PRLR: variants seen among roughly 807,000 people sequenced by gnomAD.
PRLR encodes hPRL receptor.
A neutral mutation model predicts 40.2 loss-of-function variants in PRLR; 13 were observed. That is an observed-to-expected ratio of 0.32 (90% CI 0.21 to 0.51). The LOEUF is 0.51. Ranked by LOEUF, PRLR falls within the 20% of genes least tolerant of loss-of-function variation. The pLI is 0.97. For missense variants in PRLR, 656 were observed against 747.3 expected (o/e 0.88, Z 1.42); for synonymous variants, 269 against 278.7 (o/e 0.97, Z 0.35).
At chr5:35,107,815 A>G (rs967769670) in intron 2 of PRLR, among the ~76,000 whole-genome samples, 1 of 152,234 alleles carries the variant, frequency 6.6e-6, no homozygotes, top group South Asian at 2.1e-4. Context: ...AGCTGATACC[A>G]TTCCTTCTAA....
intron 4 of PRLR, among the ~76,000 whole-genome samples, chr5:35,085,325 C>T (rs528310850): frequency 1.1e-4 from 17 of 152,248 alleles, no homozygotes; most frequent in South Asian, 6.2e-4. Flanking sequence ...GGATTTCAGC[C>T]GGGATGACAG....
At chr5:35,158,312 A>G (rs1039053289) in intron 1 of PRLR, among the ~76,000 whole-genome samples, 1 of 152,094 alleles carries the variant, frequency 6.6e-6, no homozygotes, top group Non-Finnish European at 1.5e-5. Flanking sequence ...TGTTATTTCC[A>G]CTTACAACGC....
chr5:35,170,703 AC>A (rs1347802739), intron 1 of PRLR, among the ~76,000 whole-genome samples: 1 of 152,102 alleles, frequency 6.6e-6, no homozygotes. Flanking sequence ...CAGAACAAGA[AC>A]CTACCTCTAA....
At chr5:35,204,554 G>C (rs1036040985) in intron 1 of PRLR, among the ~76,000 whole-genome samples, 1 of 152,136 alleles carries the variant, frequency 6.6e-6, no homozygotes, top group African/African-American at 2.4e-5. Context: ...TATTACCCCA[G>C]TGGAATAATG....
chr5:35,187,259 G>GGA (rs1205679396), intron 1 of PRLR, among the ~76,000 whole-genome samples: 2 of 151,998 alleles, frequency 1.3e-5, no homozygotes, highest in Non-Finnish European at 2.9e-5. Context: ...AAATTAACCA[G>GGA]GCTTCATGGT....
intron 1 of PRLR, among the ~76,000 whole-genome samples, chr5:35,180,531 C>G (rs1003765078): frequency 3.3e-5 from 5 of 152,150 alleles, no homozygotes; most frequent in African/African-American, 1.2e-4. Context: ...TATCATGCTT[C>G]CTGTATAGCC....
At chr5:35,072,446 G>A in intron 6 of PRLR, 129 bp downstream of exon 6, 1 of 1,021,454 alleles carries the variant, frequency 9.8e-7, no homozygotes, top group Non-Finnish European at 1.4e-6. Context: ...TCACATCTGG[G>A]TGGGTCACAA....
At chr5:35,181,826 A>G (rs1775304781) in intron 1 of PRLR, among the ~76,000 whole-genome samples, 1 of 152,156 alleles carries the variant, frequency 6.6e-6, no homozygotes, top group South Asian at 2.1e-4. Context: ...TCCTTGGTCC[A>G]CACAAATGTG....
chr5:35,091,922 G>A (rs919179207), intron 2 of PRLR, among the ~76,000 whole-genome samples: 15 of 152,252 alleles, frequency 9.9e-5, no homozygotes, highest in South Asian at 2.1e-4. Flanking sequence ...TCTTTTGGGC[G>A]TTGCACTAAC....
chr5:35,094,986 A>C (rs189018659), intron 2 of PRLR, among the ~76,000 whole-genome samples: 1 of 151,840 alleles, frequency 6.6e-6, no homozygotes, highest in African/African-American at 2.4e-5. Flanking sequence ...AGCCACCAAC[A>C]CCCAGCTAAT....
At chr5:35,076,865 C>G (rs1328776727) in intron 5 of PRLR, among the ~76,000 whole-genome samples, 1 of 152,142 alleles carries the variant, frequency 6.6e-6, no homozygotes, top group Non-Finnish European at 1.5e-5. Context: ...AACTCTAAAA[C>G]CCAGAAGAGA....
chr5:35,128,571 C>T (rs1773547137), intron 1 of PRLR, among the ~76,000 whole-genome samples: 1 of 151,794 alleles, frequency 6.6e-6, no homozygotes, highest in Non-Finnish European at 1.5e-5. Context: ...GGATGTAAAA[C>T]TTGCGAATAC....
chr5:35,172,438 G>A (rs1775027040), intron 1 of PRLR, among the ~76,000 whole-genome samples: 1 of 152,078 alleles, frequency 6.6e-6, no homozygotes, highest in African/African-American at 2.4e-5. Context: ...TGTCACCTTG[G>A]GCTGACTGAA....
Position 35,070,117 on chromosome 5 carries a change from C to T in PRLR, c.685+7G>A, listed in dbSNP as rs142331784. The stretch of plus-strand genomic sequence containing the variant: ...GGACATAAGCAAAAAAGAGCCAAGA[C>T]GCTCACCACTAGGTATCTGAATGAA... On this transcript the variant is annotated splice_region_variant and intron_variant, in intron 7 of 9. Coordinates refer to ENST00000618457, the MANE Select transcript of PRLR (RefSeq NM_000949.7). The T allele has an allele frequency of 9.8e-4, 1,563 of 1,595,602 alleles. 28 individuals carry two copies. The Admixed American group carries it at 0.024, about 25-fold the overall frequency.
intron 1 of PRLR, among the ~76,000 whole-genome samples, chr5:35,183,930 A>G (rs1439547201): frequency 6.6e-6 from 1 of 152,158 alleles, no homozygotes; most frequent in Non-Finnish European, 1.5e-5. Flanking sequence ...ATTGTCCCCA[A>G]CTGAAAGAAA....
intron 1 of PRLR, among the ~76,000 whole-genome samples, chr5:35,124,401 C>A (rs1207920411): frequency 6.6e-6 from 1 of 151,948 alleles, no homozygotes; most frequent in Non-Finnish European, 1.5e-5. Context: ...AACGTAAAAT[C>A]CTAGAGGGGT....
intron 1 of PRLR, among the ~76,000 whole-genome samples, chr5:35,193,582 C>G (rs796520123): frequency 5.9e-5 from 9 of 152,302 alleles, no homozygotes; most frequent in African/African-American, 2.2e-4. Flanking sequence ...TGGCAGGTTC[C>G]TATTGGTCCT....
chr5:35,086,342 TA>T lies in PRLR; in HGVS notation c.71-3del. On this transcript the variant is annotated splice_region_variant and splice_polypyrimidine_tract_variant and intron_variant, in intron 3 of 9. Transcript: ENST00000618457. ...CAGGTTTTCCAGGAGGTAACTGTCCTAGAAAAAGCCAGAAGCCACTGCATCA... is the reference window on the plus strand; with the variant it reads ...CAGGTTTTCCAGGAGGTAACTGTCCTGAAAAAGCCAGAAGCCACTGCATCA... 1 of 1,613,014 alleles carries T rather than the reference TA, an allele frequency of 6.2e-7. No homozygotes were observed. The highest frequency in any genetic ancestry group is 8.5e-7 in the Non-Finnish European group (1 of 1,179,622).
intron 1 of PRLR, among the ~76,000 whole-genome samples, chr5:35,147,546 C>T (rs1561333325): frequency 6.6e-6 from 1 of 152,138 alleles, no homozygotes; most frequent in Non-Finnish European, 1.5e-5. Context: ...TAATGGGACT[C>T]ATGATAGCTA....
Sources: gnomAD v4.1 joint callset for allele counts (sites outside exome capture counted in the v4.1 genomes callset) on GRCh38, gnomAD v4.1.1 for gene constraint, MANE v1.5 for transcripts, NCBI Gene and HGNC (gene_info 2026-07-23, HGNC 2026-07-21) for gene names.